Variants in INSL6 observed in about 807,000 individuals in gnomAD.
INSL6 encodes insulin-like peptide INSL6.
Under a neutral mutation model 9.4 loss-of-function variants are expected in INSL6, and 16 were observed. The observed-to-expected ratio is 1.70, with a 90% CI of 1.15 to 2.59. INSL6 has a LOEUF of 2.59. INSL6 is among the 30% of genes most tolerant of loss of function. INSL6 has a pLI of 0.00. For synonymous variants in INSL6, 154 were observed against 96.9 expected, an observed-to-expected ratio of 1.59 and a Z score of -3.46; for missense variants, 391 against 257.3, an observed-to-expected ratio of 1.52 and a Z score of -3.56.
At chr9:5,085,318 T>A in the INSL6 span, 1 of 762,706 alleles carries the variant, frequency 1.3e-6, no homozygotes, top group Non-Finnish European at 2.4e-6. Flanking sequence ...GAATACATCA[T>A]CTATTAGCTG....
At chr9:5,074,215 T>C in the INSL6 span, among the ~76,000 whole-genome samples, 1 of 152,174 alleles carries the variant, frequency 6.6e-6, no homozygotes, top group Non-Finnish European at 1.5e-5. Context: ...GATATATTTT[T>C]TGGCTAAATT....
chr9:5,014,844 T>C, the INSL6 span, among the ~76,000 whole-genome samples: 1 of 152,160 alleles, frequency 6.6e-6, no homozygotes, highest in Non-Finnish European at 1.5e-5. Flanking sequence ...TATGTGTTTC[T>C]CCCTAGCTAT....
the INSL6 span, among the ~76,000 whole-genome samples, chr9:5,064,571 T>C: frequency 6.6e-6 from 1 of 151,768 alleles, no homozygotes; most frequent in African/African-American, 2.4e-5. Context: ...ATTTCTAATG[T>C]CAACTTTTAT....
the INSL6 span, among the ~76,000 whole-genome samples, chr9:5,057,496 C>T: frequency 1.3e-5 from 2 of 151,630 alleles, no homozygotes; most frequent in African/African-American, 4.8e-5. Flanking sequence ...ACTCTTTTAT[C>T]TTGCAAAATT....
chr9:5,066,672 C>T, the INSL6 span: 1 of 1,524,624 alleles, frequency 6.6e-7, no homozygotes, highest in Non-Finnish European at 9.1e-7. Context: ...TCTTCTTTAC[C>T]TTTAGGATGG....
intron 2 of INSL6, among the ~76,000 whole-genome samples, chr9:5,153,135 G>A (rs1341468256): frequency 6.7e-6 from 1 of 148,760 alleles, no homozygotes; most frequent in South Asian, 2.1e-4. Flanking sequence ...CACTGAGCTA[G>A]CTGCAGTTTT....
chr9:5,148,153 C>A (rs544448306), intron 2 of INSL6, among the ~76,000 whole-genome samples: 1 of 152,308 alleles, frequency 6.6e-6, no homozygotes, highest in East Asian at 1.9e-4. Context: ...TCTTTCTCAT[C>A]TGGGAGAGCT....
the INSL6 span, among the ~76,000 whole-genome samples, chr9:5,103,887 A>G: frequency 1.3e-5 from 2 of 152,226 alleles, no homozygotes; most frequent in African/African-American, 4.8e-5. Flanking sequence ...AAGACACAGC[A>G]TACCAGAATC....
At chr9:5,024,424 G>C in the INSL6 span, among the ~76,000 whole-genome samples, 1 of 151,920 alleles carries the variant, frequency 6.6e-6, no homozygotes, top group Non-Finnish European at 1.5e-5. Context: ...TCTGTGTTGG[G>C]GCTCTCATTC....
At chr9:5,113,273 A>T in the INSL6 span, among the ~76,000 whole-genome samples, 1 of 150,268 alleles carries the variant, frequency 6.7e-6, no homozygotes, top group Non-Finnish European at 1.5e-5. Context: ...GTCAGAAAAG[A>T]AAAAAATGCC....
chr9:5,172,118 G>A (rs955539444), intron 1 of INSL6, among the ~76,000 whole-genome samples: 5 of 152,222 alleles, frequency 3.3e-5, no homozygotes, highest in African/African-American at 1.2e-4. Flanking sequence ...AAAACAGCAT[G>A]GTACTGTTAC....
chr9:5,096,391 T>TA, the INSL6 span, among the ~76,000 whole-genome samples: 5 of 152,188 alleles, frequency 3.3e-5, no homozygotes, highest in East Asian at 9.6e-4. Flanking sequence ...TCAACCACTT[T>TA]AATTAAGCTA....
chr9:5,039,431 A>T, the INSL6 span, among the ~76,000 whole-genome samples: 1 of 152,136 alleles, frequency 6.6e-6, no homozygotes, highest in Non-Finnish European at 1.5e-5. Flanking sequence ...ATACTGAAGG[A>T]TGTGCACAGG....
chr9:5,074,536 CA>C, the INSL6 span, among the ~76,000 whole-genome samples: 1 of 152,180 alleles, frequency 6.6e-6, no homozygotes, highest in South Asian at 2.1e-4. Flanking sequence ...TGGGGTGTCC[CA>C]AACAGAGAGA....
rs1825542930 is a variant in INSL6, at chr9:5,185,291, A to G, written c.289+23T>C. On this transcript the variant is annotated intron_variant, in intron 1 of 1. Transcript: ENST00000381641. The stretch of plus-strand genomic sequence containing the variant: ...AAGAAATATACAGAGGTGAACAAAC[A>G]TGCCTTCGGTTTCGATTTTTACCTG... 2.5e-6 allele frequency: 4 copies of G among 1,613,792 alleles called. No homozygotes were observed. The African/African-American group carries it at 4.0e-5, about 16-fold the overall frequency.
At chr9:5,028,869 T>C in the INSL6 span, among the ~76,000 whole-genome samples, 10 of 152,252 alleles carry the variant, frequency 6.6e-5, no homozygotes, top group South Asian at 4.1e-4. Flanking sequence ...TGAGGGAATA[T>C]TGTGGCTGGT....
the INSL6 span, among the ~76,000 whole-genome samples, chr9:5,058,862 C>T: frequency 6.6e-6 from 1 of 152,072 alleles, no homozygotes; most frequent in South Asian, 2.1e-4. Flanking sequence ...TATTCAAGTC[C>T]TTTGCTCATT....
At chr9:5,024,972 G>A in the INSL6 span, among the ~76,000 whole-genome samples, 1 of 152,292 alleles carries the variant, frequency 6.6e-6, no homozygotes, top group African/African-American at 2.4e-5. Context: ...CGGGGCTGGT[G>A]GGCAGGACAT....
In INSL6 at chr9:5,164,282, A is replaced by C. The variant is rs762082127; in HGVS notation, c.290-17T>G. The C allele has an allele frequency of 6.8e-7, 1 of 1,471,740 alleles. No homozygotes were observed. Among genetic ancestry groups the C allele is most frequent in the Non-Finnish European group, 9.4e-7 (1 of 1,064,028 alleles). The allele number at this position is 1,471,740 out of a possible 1,614,324, so 91.2% of individuals were successfully genotyped here. A position where few individuals can be genotyped will look rare whatever the true frequency, so the allele number is the denominator to read the frequency against. On this transcript the variant is annotated splice_polypyrimidine_tract_variant and intron_variant, in intron 1 of 1. Coordinates refer to ENST00000381641, the MANE Select transcript of INSL6 (RefSeq NM_007179.3). Reference sequence around the variant, plus strand: ...AAGTAGACACTGTTGAGAGAGAAGAAAATAAATGCTCCTTTATTAAAATCT... The same window carrying C: ...AAGTAGACACTGTTGAGAGAGAAGACAATAAATGCTCCTTTATTAAAATCT...
Sources: allele counts gnomAD v4.1 joint callset (sites outside exome capture counted in the v4.1 genomes callset), GRCh38; gene constraint gnomAD v4.1.1; transcripts MANE v1.5; gene names NCBI Gene and HGNC (gene_info 2026-07-23, HGNC 2026-07-21).